C16orf86: variants seen among roughly 807,000 people sequenced by gnomAD.
C16orf86 encodes the protein chromosome 16 open reading frame 86, also known as uncharacterized protein C16orf86.
C16orf86 carries 19 observed loss-of-function variants against 21.5 expected under a neutral mutation model. The observed-to-expected ratio is 0.88, with a 90% CI of 0.62 to 1.30. C16orf86 has a LOEUF of 1.30. C16orf86 is among the 50% of genes most tolerant of loss of function. C16orf86 has a pLI of 0.00. For synonymous variants in C16orf86, 188 were observed against 183.5 expected (o/e 1.02, Z -0.20); for missense variants, 391 against 415.8 (o/e 0.94, Z 0.52).
chr16:67,667,821 G>C, intron 2 of C16orf86, 57 bp from the exon 3 acceptor site: 2 of 1,519,458 alleles, frequency 1.3e-6, no homozygotes, highest in Non-Finnish European at 1.8e-6. Context: ...TATTCCCTGG[G>C]CCAGGGAATG....
intron 1 of C16orf86, 52 bp downstream of exon 1, chr16:67,667,124 G>A (rs2053114660): frequency 2.7e-6 from 4 of 1,454,720 alleles, no homozygotes; most frequent in African/African-American, 1.4e-5. Context: ...CGCTCTGAGA[G>A]GTGGAACTGA....
chr16:67,666,999 C>CG lies in C16orf86; in HGVS notation c.34dup (p.Val12GlyfsTer37). ...GCCTCGGCAGGGGCGGAGAGGCGGC[C>CG]GGGGGTCCAGGAGGCGACGGTCGTG... is the stretch of plus-strand genomic sequence containing the variant. On this transcript the variant is annotated frameshift_variant, in exon 1 of 4. Transcript: ENST00000403458. LOFTEE classifies it high-confidence loss of function. The CG allele has an allele frequency of 6.9e-7, 1 of 1,453,868 alleles. No homozygotes were observed. Among genetic ancestry groups the CG allele is most frequent in the Non-Finnish European group, 9.0e-7 (1 of 1,110,996 alleles). The allele number at this position is 1,453,868 out of a possible 1,614,324, so 90.1% of individuals were successfully genotyped here. A position where few individuals can be genotyped will look rare whatever the true frequency, so the allele number is the denominator to read the frequency against.
At position 67,668,471 on chromosome 16, in the gene C16orf86, G is replaced by A; in HGVS notation, c.825G>A (p.Gly275=). The A allele has an allele frequency of 1.9e-6, 3 of 1,613,054 alleles. No individual in the cohort carries two copies. The highest frequency in any genetic ancestry group is 2.5e-6 in the Non-Finnish European group (3 of 1,179,778). The change falls in exon 4 of 4, where the codon GGG becomes GGA. Residue 275 remains glycine, a synonymous_variant. Transcript: ENST00000403458. ...GAGAGGAGGCTGGAGAGGAGCCTGG[G>A]GGCTTGCCCAGCTTGGGGGTGAGTG... ...PLGEEAGEEP[G]GLPSLGVSDH... is the part of the protein sequence containing the mutation.
Position 67,668,561 on chromosome 16 carries a change from T to C in C16orf86, c.915T>C (p.Thr305=). 6.2e-7 allele frequency: 1 copy of C among 1,613,546 alleles called. No homozygotes were observed. Among genetic ancestry groups the C allele is most frequent in the Non-Finnish European group, 8.5e-7 (1 of 1,179,880 alleles). Residue 305 remains threonine (T), a synonymous_variant, in exon 4 of 4, where the codon ACT becomes ACC. Transcript: ENST00000403458. ...TCGACAAGATGCTGAGTGTCTGCAC[T>C]GCTCCACTTGTCCCCCCGCTCTCTC... is the stretch of plus-strand genomic sequence containing the variant. ...VDIDKMLSVC[T]APLVPPLSPQ...
rs527468769 is a variant in C16orf86, at chr16:67,668,573, C to T, written c.927C>T (p.Val309=). 1.2e-4 allele frequency: 186 copies of T among 1,613,392 alleles called. No individual in the cohort carries two copies. The South Asian group carries it at 1.3e-3, about 11-fold the overall frequency. ...TGAGTGTCTGCACTGCTCCACTTGT[C>T]CCCCCGCTCTCTCCTCAGTACAAGT... ...KMLSVCTAPL[V]PPLSPQYK is the part of the protein sequence containing the mutation. Residue 309 remains valine (V), a synonymous_variant, in exon 4 of 4, where the codon GTC becomes GTT. Transcript: ENST00000403458.
rs572562669 is a variant in C16orf86, at chr16:67,667,558, C to G, written c.332+33C>G. 1.9e-6 allele frequency: 3 copies of G among 1,571,026 alleles called. No individual in the cohort carries two copies. The South Asian group carries it at 3.5e-5, about 18-fold the overall frequency. On this transcript the variant is annotated intron_variant, in intron 2 of 3. Transcript: ENST00000403458. Reference sequence around the variant, plus strand: ...GGCTCTCGGGGGGAAGGAGCTGCAGCCCCGGGGTTGGGGCACACACCACAG... The same window carrying G: ...GGCTCTCGGGGGGAAGGAGCTGCAGGCCCGGGGTTGGGGCACACACCACAG...
chr16:67,667,182 G>A, intron 1 of C16orf86, 110 bp downstream of exon 1: 3 of 1,416,698 alleles, frequency 2.1e-6, no homozygotes, highest in Non-Finnish European at 2.9e-6. Context: ...GGCGGGGAGG[G>A]GCACAGGCTG....
In C16orf86 at chr16:67,668,325, G is replaced by A. The variant is rs775572598; in HGVS notation, c.679G>A (p.Glu227Lys). Residue 227 changes from glutamate to lysine, a missense_variant, in exon 4 of 4, where the codon GAG becomes AAG. Coordinates refer to ENST00000403458, the MANE Select transcript of C16orf86 (RefSeq NM_001012984.3). Reference protein sequence around the residue: ...EAEAELAPVPEEGGVEQLQAL... With the variant: ...EAEAELAPVPKEGGVEQLQAL... ...AGAGGCAGAGCTGGCCCCGGTTCCC[G>A]AGGAGGGAGGTGTGGAGCAACTGCA... 53 of 1,612,620 alleles carry A rather than the reference G, an allele frequency of 3.3e-5. No individual in the cohort carries two copies. The highest frequency in any genetic ancestry group is 3.1e-4 in the East Asian group (14 of 44,902).
rs779076200 is a variant in C16orf86 at position 67,667,384 on chromosome 16, C to G, written c.191C>G (p.Ser64Trp). 1 of 1,612,644 alleles carries G rather than the reference C, an allele frequency of 6.2e-7. No homozygotes were observed. The highest frequency in any genetic ancestry group is 8.5e-7 in the Non-Finnish European group (1 of 1,179,860). The change falls in exon 2 of 4, where the codon TCG becomes TGG. Residue 64 changes from serine to tryptophan, a missense_variant. Ser to Trp is a radical substitution (Grantham distance 177, BLOSUM62 -3). Transcript: ENST00000403458. Reference sequence around the variant, plus strand: ...GACCAGCGCCCAGCAGGCGCAGCTTCGGAGTCGGAGCTCCAGGAGGAAGGA... The same window carrying G: ...GACCAGCGCCCAGCAGGCGCAGCTTGGGAGTCGGAGCTCCAGGAGGAAGGA... ...SEDQRPAGAA[S>W]ESELQEEGPK...
Position 67,667,904 on chromosome 16 carries a change from C to T in C16orf86, c.359C>T (p.Ala120Val), listed in dbSNP as rs1363906043. ...VKSLSLPGLR[A>V]HLKAEAELPP... ...TCTCTCAGCCTCCCGGGCCTTCGTG[C>T]CCATCTTAAGGCTGAAGCTGAGCTG... The change falls in exon 3 of 4, where the codon GCC becomes GTC. Residue 120 changes from alanine to valine, a missense_variant. Physicochemically the swap from Ala to Val is moderately conservative, Grantham distance 64. Transcript: ENST00000403458. 1 of 1,608,264 alleles carries T rather than the reference C, an allele frequency of 6.2e-7. No homozygotes were observed. The highest frequency in any genetic ancestry group is 1.1e-5 in the South Asian group (1 of 90,630).
intron 1 of C16orf86, 72 bp downstream of exon 1, chr16:67,667,144 C>A: frequency 1.4e-6 from 2 of 1,435,974 alleles, no homozygotes; most frequent in Non-Finnish European, 1.9e-6. Flanking sequence ...AGCGCCCCGA[C>A]CCGCTAACTG....
rs1567649691 is a variant in C16orf86, at chr16:67,668,279, C to T, written c.633C>T (p.Asp211=). 15 of 1,609,948 alleles carry T rather than the reference C, an allele frequency of 9.3e-6. No individual in the cohort carries two copies. In the East Asian group the frequency reaches 1.1e-4, roughly 12 times the overall value. ...NPELNQAGKG[D]GEAEVEAEAE... is the part of the protein sequence containing the mutation. ...AGCTGAACCAGGCAGGGAAGGGGGA[C>T]GGGGAGGCTGAGGTGGAGGCAGAGG... is the stretch of plus-strand genomic sequence containing the variant. Residue 211 remains aspartate (D), a synonymous_variant, in exon 4 of 4, where the codon GAC becomes GAT. Transcript: ENST00000403458.
Position 67,667,465 on chromosome 16 carries a change from G to GC in C16orf86, c.276dup (p.Arg93GlnfsTer31). 6.2e-7 allele frequency: 1 copy of GC among 1,610,858 alleles called. No individual in the cohort carries two copies. Among genetic ancestry groups the GC allele is most frequent in the East Asian group, 2.2e-5 (1 of 44,836 alleles). ...CATGCCGGGGCGCTAGAGGAGAGAG[G>GC]CCCCAGGCCCGTGGTCTCCATTGTG... is the stretch of plus-strand genomic sequence containing the variant. On this transcript the variant is annotated frameshift_variant, in exon 2 of 4. Coordinates refer to ENST00000403458, the MANE Select transcript of C16orf86 (RefSeq NM_001012984.3). LOFTEE classifies it high-confidence loss of function.
chr16:67,668,516 T>G lies in C16orf86; in HGVS notation c.870T>G (p.Asp290Glu), dbSNP rs2053136516. Residue 290 changes from aspartate (D) to glutamate (E), a missense_variant, in exon 4 of 4, where the codon GAT becomes GAG. By Grantham distance (45) the Asp-to-Glu change is conservative. Coordinates refer to ENST00000403458, the MANE Select transcript of C16orf86 (RefSeq NM_001012984.3). ...LGVSDHKAEV[D>E]KSTQVDIDKM... ...TGAGTGACCACAAGGCCGAGGTGGA[T>G]AAGTCAACCCAGGTGGACATCGACA... is the stretch of plus-strand genomic sequence containing the variant. 2 of 1,613,398 alleles carry G rather than the reference T, an allele frequency of 1.2e-6. No homozygotes were observed.
In C16orf86 at chr16:67,666,968, G is replaced by T; in HGVS notation, c.-3G>T. On this transcript the variant is annotated 5_prime_UTR_variant, in exon 1 of 4. Transcript: ENST00000403458. ...GTCGAGGACGCACTCAGCCTGCGCA[G>T]CCATGGCCTCGGCAGGGGCGGAGAG... The T allele has an allele frequency of 6.9e-7, 1 of 1,446,732 alleles. No individual in the cohort carries two copies. Among genetic ancestry groups the T allele is most frequent in the South Asian group, 1.4e-5 (1 of 69,088 alleles). The allele number at this position is 1,446,732 out of a possible 1,614,324, so 89.6% of individuals were successfully genotyped here. A position where few individuals can be genotyped will look rare whatever the true frequency, so the allele number is the denominator to read the frequency against.
chr16:67,668,601 C>T lies in C16orf86; in HGVS notation c.*1C>T. ...CCCGCTCTCTCCTCAGTACAAGTGA[C>T]TGTCCCGCCCCACTGGTGGCTCCCC... On this transcript the variant is annotated 3_prime_UTR_variant, in exon 4 of 4. Coordinates refer to ENST00000403458, the MANE Select transcript of C16orf86 (RefSeq NM_001012984.3). The T allele has an allele frequency of 6.2e-7, 1 of 1,612,964 alleles. No homozygotes were observed. Among genetic ancestry groups the T allele is most frequent in the Non-Finnish European group, 8.5e-7 (1 of 1,179,470 alleles).
Position 67,667,880 on chromosome 16 carries a change from C to T in C16orf86, c.335C>T (p.Ser112Phe). 1.9e-6 allele frequency: 3 copies of T among 1,579,868 alleles called. No individual in the cohort carries two copies. Among genetic ancestry groups the T allele is most frequent in the Non-Finnish European group, 1.7e-6 (2 of 1,163,454 alleles). ...RHGPKRKPVK[S>F]LSLPGLRAHL... ...CAAGTCTCTTGTCCCTGGCTCAGGT[C>T]TCTCAGCCTCCCGGGCCTTCGTGCC... Residue 112 changes from serine to phenylalanine, a missense_variant and splice_region_variant, in exon 3 of 4, where the codon TCT (serine) becomes TTT (phenylalanine). By Grantham distance (155) the Ser-to-Phe change is radical. Coordinates refer to ENST00000403458, the MANE Select transcript of C16orf86 (RefSeq NM_001012984.3).
Position 67,668,513 on chromosome 16 carries a change from G to A in C16orf86, c.867G>A (p.Val289=), listed in dbSNP as rs756758116. 1.7e-5 allele frequency: 28 copies of A among 1,613,270 alleles called. No individual in the cohort carries two copies. The highest frequency in any genetic ancestry group is 8.0e-5 in the African/African-American group (6 of 74,936). ...GGGTGAGTGACCACAAGGCCGAGGT[G>A]GATAAGTCAACCCAGGTGGACATCG... The part of the protein sequence containing the change: ...SLGVSDHKAE[V]DKSTQVDIDK... Residue 289 remains valine, a synonymous_variant, in exon 4 of 4, where the codon GTG becomes GTA. Transcript: ENST00000403458.
Position 67,668,250 on chromosome 16 carries a change from C to G in C16orf86, c.604C>G (p.Pro202Ala), listed in dbSNP as rs766209162. 14 of 1,603,232 alleles carry G rather than the reference C, an allele frequency of 8.7e-6. No homozygotes were observed. Among genetic ancestry groups the G allele is most frequent in the Non-Finnish European group, 1.1e-5 (13 of 1,174,876 alleles). ...PLYQYVNYCN[P>A]ELNQAGKGDG... ...GTACCAGTACGTCAACTATTGCAACCCTGAGCTGAACCAGGCAGGGAAGGG... is the reference window on the plus strand; with the variant it reads ...GTACCAGTACGTCAACTATTGCAACGCTGAGCTGAACCAGGCAGGGAAGGG... The change falls in exon 4 of 4, where the codon CCT becomes GCT. Residue 202 changes from proline (P) to alanine (A), a missense_variant. Coordinates refer to ENST00000403458, the MANE Select transcript of C16orf86 (RefSeq NM_001012984.3).
Sources: allele counts gnomAD v4.1 joint callset, GRCh38; gene constraint gnomAD v4.1.1; transcripts MANE v1.5; gene names NCBI Gene and HGNC (gene_info 2026-07-23, HGNC 2026-07-21).